Variants in PSMB7 observed in about 807,000 individuals in gnomAD.
The protein encoded by PSMB7 is proteasome subunit beta type-7.
A neutral mutation model predicts 28.1 loss-of-function variants in PSMB7; 5 were observed. The observed-to-expected ratio is 0.18, with a 90% CI of 0.09 to 0.37. The LOEUF (loss-of-function observed/expected upper bound fraction) is 0.37. Ranked by LOEUF, PSMB7 falls within the 10% of genes least tolerant of loss-of-function variation. The pLI, the probability that PSMB7 is intolerant of heterozygous loss-of-function variation, is 1.00. For missense variants in PSMB7, 275 were observed against 346.2 expected (o/e 0.79, Z 1.63); for synonymous variants, 122 against 123.7 (o/e 0.99, Z 0.09).
chr9:124,414,778 A>G (rs1391052550), intron 2 of PSMB7, 64 bp downstream of exon 2: 7 of 1,380,254 alleles, frequency 5.1e-6, no homozygotes, highest in African/African-American at 1.4e-5. Context: ...AGACACCGGA[A>G]GCCAAGTGTT....
At chr9:124,365,728 C>G (rs1040971853) in intron 6 of PSMB7, among the ~76,000 whole-genome samples, 6 of 152,178 alleles carry the variant, frequency 3.9e-5, no homozygotes, top group Admixed American at 6.5e-5. Context: ...CCAGCCTGGG[C>G]AACATAGTGA....
rs375470669 is a variant in PSMB7, at chr9:124,375,556, G to A, written c.570+9042C>T. On this transcript the variant is annotated intron_variant, in intron 6 of 7. Transcript: ENST00000259457. ...AGACAAACGAGATACCGAAACAGATGTAACAACCAAATATAACCTTAAAAC... is the reference window on the plus strand; with the variant it reads ...AGACAAACGAGATACCGAAACAGATATAACAACCAAATATAACCTTAAAAC... Among the ~76,000 whole-genome samples the A allele has an allele frequency of 7.2e-5, 11 of 152,174 alleles. No individual in the cohort carries two copies. The East Asian group carries it at 1.4e-3, about 19-fold the overall frequency.
chr9:124,391,976 G>A (rs1222177094), intron 5 of PSMB7, among the ~76,000 whole-genome samples: 1 of 152,236 alleles, frequency 6.6e-6, no homozygotes, highest in Non-Finnish European at 1.5e-5. Flanking sequence ...AAGCTAGGAA[G>A]GACCTGAAAG....
intron 6 of PSMB7, among the ~76,000 whole-genome samples, chr9:124,373,956 ACAG>A (rs1830585806): frequency 6.6e-6 from 1 of 152,238 alleles, no homozygotes; most frequent in Non-Finnish European, 1.5e-5. Flanking sequence ...ACCAATGCTC[ACAG>A]CAGCATTATA....
chr9:124,414,859 C>A lies in PSMB7; in HGVS notation c.139G>T (p.Ala47Ser). Reference protein sequence around the residue: ...PKVRKTGTTIAGVVYKDGIVL... With the variant: ...PKVRKTGTTISGVVYKDGIVL... ...CGGCTTACCTTATAGACCACCCCAGCGATGGTCGTGCCAGTTTTCCGGACC... is the reference window on the plus strand; with the variant it reads ...CGGCTTACCTTATAGACCACCCCAGAGATGGTCGTGCCAGTTTTCCGGACC... Residue 47 changes from alanine to serine, a missense_variant, in exon 2 of 8, where the codon GCT becomes TCT. This residue lies in a region of PSMB7 where 213 missense variants were observed against 302.4 expected (regional missense o/e 0.70). Coordinates refer to ENST00000259457, the MANE Select transcript of PSMB7 (RefSeq NM_002799.4). 6.2e-7 allele frequency: 1 copy of A among 1,614,062 alleles called. No individual in the cohort carries two copies. Among genetic ancestry groups the A allele is most frequent in the Non-Finnish European group, 8.5e-7 (1 of 1,179,964 alleles).
chr9:124,389,475 T>TGAG (rs981807837), intron 5 of PSMB7, among the ~76,000 whole-genome samples: 1 of 152,156 alleles, frequency 6.6e-6, no homozygotes, highest in Non-Finnish European at 1.5e-5. Context: ...TGAATGTAAG[T>TGAG]GAGGACACTA....
At chr9:124,369,858 T>TC (rs991366515) in intron 6 of PSMB7, among the ~76,000 whole-genome samples, 2 of 151,992 alleles carry the variant, frequency 1.3e-5, no homozygotes, top group African/African-American at 4.8e-5. Flanking sequence ...CCAGATAGAG[T>TC]CCATCGGCTC....
chr9:124,383,293 T>C (rs1056810869), intron 6 of PSMB7, among the ~76,000 whole-genome samples: 5 of 152,188 alleles, frequency 3.3e-5, no homozygotes, highest in South Asian at 2.1e-4. Context: ...CTATTCTTAA[T>C]TGGAACAAGA....
intron 5 of PSMB7, among the ~76,000 whole-genome samples, chr9:124,397,996 C>A (rs144718311): frequency 2.7e-4 from 41 of 152,078 alleles, no homozygotes; most frequent in Admixed American, 5.2e-4. Context: ...GGTGAAACCC[C>A]GTCTCTACTA....
intron 7 of PSMB7, among the ~76,000 whole-genome samples, chr9:124,354,450 T>C (rs1218383754): frequency 6.6e-6 from 1 of 152,200 alleles, no homozygotes; most frequent in East Asian, 1.9e-4. Context: ...GCTGGGGTAA[T>C]ATCTCTGTCA....
At chr9:124,411,037 G>A (rs897625573) in intron 4 of PSMB7, among the ~76,000 whole-genome samples, 6 of 151,738 alleles carry the variant, frequency 4.0e-5, no homozygotes, top group South Asian at 2.1e-4. Context: ...GTGCAGTGGC[G>A]TGATCTTGGC....
chr9:124,412,032 A>T (rs572301374), intron 4 of PSMB7, among the ~76,000 whole-genome samples: 1 of 152,326 alleles, frequency 6.6e-6, no homozygotes, highest in East Asian at 1.9e-4. Context: ...GAGTAGTTTC[A>T]CAAGACAACT....
At chr9:124,396,396 C>G (rs978642954) in intron 5 of PSMB7, among the ~76,000 whole-genome samples, 1 of 152,216 alleles carries the variant, frequency 6.6e-6, no homozygotes, top group Non-Finnish European at 1.5e-5. Flanking sequence ...TATCCATGTT[C>G]CTAAGTTCTC....
rs1334580286 is a variant in PSMB7 at position 124,414,969 on chromosome 9, G to A, written c.63-34C>T. Reference sequence around the variant, plus strand: ...AAATGAGAGAATCAAGTGTTGAAGGGCAGGACCACATCGCACAGCACTGGC... The same window carrying A: ...AAATGAGAGAATCAAGTGTTGAAGGACAGGACCACATCGCACAGCACTGGC... On this transcript the variant is annotated intron_variant, in intron 1 of 7. Coordinates refer to ENST00000259457, the MANE Select transcript of PSMB7 (RefSeq NM_002799.4). 6 of 1,457,534 alleles carry A rather than the reference G, an allele frequency of 4.1e-6. No homozygotes were observed. In the African/African-American group the frequency reaches 8.4e-5, roughly 20 times the overall value. 90.3% of individuals were successfully genotyped at this position (1,457,534 alleles called of 1,614,324 possible).
At chr9:124,401,260 G>C (rs960793850) in intron 5 of PSMB7, among the ~76,000 whole-genome samples, 15 of 152,180 alleles carry the variant, frequency 9.9e-5, no homozygotes, top group Non-Finnish European at 2.1e-4. Context: ...CACTTGCTCA[G>C]AAAGGACTAC....
chr9:124,376,750 A>T (rs899363374), intron 6 of PSMB7, among the ~76,000 whole-genome samples: 1 of 152,258 alleles, frequency 6.6e-6, no homozygotes, highest in Admixed American at 6.5e-5. Context: ...AGAGGCAGAT[A>T]TAGCCCAGTG....
intron 6 of PSMB7, among the ~76,000 whole-genome samples, chr9:124,363,192 T>TAC (rs1220256341): frequency 6.6e-6 from 1 of 152,236 alleles, no homozygotes; most frequent in Non-Finnish European, 1.5e-5. Context: ...GAGAGACCCC[T>TAC]ACCAAATGGG....
chr9:124,384,347 ATT>A, intron 6 of PSMB7: 1 of 415,434 alleles, frequency 2.4e-6, no homozygotes, highest in Non-Finnish European at 4.2e-6. Flanking sequence ...AGTCAAGAAG[ATT>A]CCTAGACAGC....
chr9:124,388,323 G>T (rs1830746614), intron 5 of PSMB7, among the ~76,000 whole-genome samples: 1 of 152,224 alleles, frequency 6.6e-6, no homozygotes, highest in African/African-American at 2.4e-5. Flanking sequence ...TGCCAGTGAA[G>T]GAAAGGCAGG....
Sources: allele counts gnomAD v4.1 joint callset (sites outside exome capture counted in the v4.1 genomes callset), GRCh38; gene constraint gnomAD v4.1.1; regional missense constraint gnomAD v4.1.1; transcripts MANE v1.5; gene names NCBI Gene and HGNC (gene_info 2026-07-23, HGNC 2026-07-21).